The following SETD4 variants were observed in gnomAD, a reference collection of about 807,000 sequenced individuals.
SETD4 encodes SET domain-containing protein 4.
Under a neutral mutation model 58.3 loss-of-function variants are expected in SETD4, and 46 were observed. That is an observed-to-expected ratio of 0.79 (90% CI 0.62 to 1.01). SETD4 has a LOEUF of 1.01. Among genes scored for constraint, SETD4 ranks in the 50% least tolerant of loss-of-function variants. The probability of loss-of-function intolerance (pLI) is 0.00; values close to 1 mark genes in which losing one functional copy is unlikely to be tolerated. For synonymous variants in SETD4, 190 were observed against 202.6 expected, an observed-to-expected ratio of 0.94 and a Z score of 0.53; for missense variants, 490 against 523.3, an observed-to-expected ratio of 0.94 and a Z score of 0.62.
intron 4 of SETD4, 77 bp downstream of exon 4, chr21:36,053,506 A>G (rs535970719): frequency 6.9e-7 from 1 of 1,459,134 alleles, no homozygotes; most frequent in East Asian, 2.3e-5. Context: ...AAATTTTTTT[A>G]ATTCACTTCG....
In SETD4 at chr21:36,041,708, G is replaced by T. The variant is rs1252158572; in HGVS notation, c.983+99C>A. 5.3e-6 allele frequency: 4 copies of T among 748,614 alleles called. No homozygotes were observed. In the Admixed American group the frequency reaches 1.1e-4, roughly 21 times the overall value. The allele number at this position is 748,614 out of a possible 1,614,324, so 46.4% of individuals were successfully genotyped here. A position where few individuals can be genotyped will look rare whatever the true frequency, so the allele number is the denominator to read the frequency against. ...CAATACCTACCCGTCAGCTGATACA[G>T]GGTCAGGAGGGGTCTCACCCCCATG... On this transcript the variant is annotated intron_variant, in intron 8 of 11. Coordinates refer to ENST00000332131, the MANE Select transcript of SETD4 (RefSeq NM_017438.5).
intron 6 of SETD4, 113 bp from the exon 7 acceptor site, chr21:36,044,069 A>G: frequency 3.2e-6 from 4 of 1,256,328 alleles, no homozygotes; most frequent in Non-Finnish European, 4.4e-6. Context: ...AACACCCATC[A>G]ATAAATGTAA....
At chr21:36,051,753 T>C (rs1337817558) in intron 4 of SETD4, among the ~76,000 whole-genome samples, 5 of 152,374 alleles carry the variant, frequency 3.3e-5, no homozygotes, top group Admixed American at 6.5e-5. Context: ...TAGCATAACT[T>C]CACATTGTGT....
intron 9 of SETD4, 79 bp from the exon 10 acceptor site, chr21:36,038,352 A>C (rs1160551340): frequency 1.3e-6 from 2 of 1,500,198 alleles, no homozygotes; most frequent in Middle Eastern, 1.8e-4. Context: ...CAACACATAA[A>C]CTCCTTCTCC....
chr21:36,040,561 C>T lies in SETD4; in HGVS notation c.1064+14G>A. Reference sequence around the variant, plus strand: ...CTGTTGCTACAGCTTAAGACCAACACATGTGAAACTTACAATTTCTCAGCT... The same window carrying T: ...CTGTTGCTACAGCTTAAGACCAACATATGTGAAACTTACAATTTCTCAGCT... On this transcript the variant is annotated intron_variant, in intron 9 of 11. Coordinates refer to ENST00000332131, the MANE Select transcript of SETD4 (RefSeq NM_017438.5). 4 of 1,610,616 alleles carry T rather than the reference C, an allele frequency of 2.5e-6. No homozygotes were observed. The highest frequency in any genetic ancestry group is 3.4e-6 in the Non-Finnish European group (4 of 1,177,036).
intron 3 of SETD4, among the ~76,000 whole-genome samples, chr21:36,055,893 A>C (rs1247019040): frequency 2.6e-5 from 4 of 152,122 alleles, no homozygotes; most frequent in Admixed American, 2.6e-4. Flanking sequence ...GGCAAATGAC[A>C]CCAGAGATGT....
rs1342335805 is a variant in SETD4 at position 36,046,980 on chromosome 21, G to A, written c.297-969C>T. ...ATGGTTAAGAGACAGTATACGCCAG[G>A]CACAGTGGCCGTTTGCCTATATCCC... On this transcript the variant is annotated intron_variant, in intron 5 of 11. Coordinates refer to ENST00000332131, the MANE Select transcript of SETD4 (RefSeq NM_017438.5). Among the ~76,000 whole-genome samples the A allele has an allele frequency of 3.3e-5, 5 of 152,178 alleles. No homozygotes were observed. In the East Asian group the frequency reaches 9.6e-4, roughly 29 times the overall value.
intron 6 of SETD4, among the ~76,000 whole-genome samples, chr21:36,045,166 G>A (rs1434088714): frequency 6.6e-6 from 1 of 152,202 alleles, no homozygotes; most frequent in African/African-American, 2.4e-5. Flanking sequence ...GTGGGAAAAA[G>A]AGCAAGTCAG....
intron 1 of SETD4, 164 bp from the exon 2 acceptor site, chr21:36,059,088 T>C: frequency 8.6e-6 from 7 of 814,588 alleles, no homozygotes; most frequent in South Asian, 5.0e-5. Context: ...CAAGTGCTTT[T>C]GTACATGAAA....
At chr21:36,040,680 C>T in intron 8 of SETD4, 25 bp from the exon 9 acceptor site, 1 of 1,583,676 alleles carries the variant, frequency 6.3e-7, no homozygotes, top group Non-Finnish European at 8.7e-7. Context: ...CAAATAATGA[C>T]AAATCCATCA....
At chr21:36,053,952 C>T (rs1459657205) in intron 3 of SETD4, among the ~76,000 whole-genome samples, 3 of 152,208 alleles carry the variant, frequency 2.0e-5, no homozygotes, top group Non-Finnish European at 2.9e-5. Flanking sequence ...TAACAAGGTG[C>T]TATTCCCAAT....
At chr21:36,047,834 CAA>C (rs34827028) in intron 5 of SETD4, among the ~76,000 whole-genome samples, 5 of 70,922 alleles carry the variant, frequency 7.1e-5, no homozygotes, top group Non-Finnish European at 5.3e-5. Context: ...ACTAAAAATA[CAA>C]AAAAAAAAAA....
At chr21:36,051,037 G>A (rs2064653810) in intron 4 of SETD4, 8 of 1,493,776 alleles carry the variant, frequency 5.4e-6, no homozygotes, top group South Asian at 4.5e-5. Context: ...AGCTCCTTCT[G>A]TGTCTGTGAG....
chr21:36,050,481 A>G (rs940900769), intron 4 of SETD4: 73 of 1,613,978 alleles, frequency 4.5e-5, no homozygotes, highest in Non-Finnish European at 5.9e-5. Flanking sequence ...TGATAGTGAC[A>G]TCACTGTTTT....
intron 6 of SETD4, among the ~76,000 whole-genome samples, 161 bp from the exon 7 acceptor site, chr21:36,044,117 C>T (rs951174392): frequency 6.6e-6 from 1 of 152,264 alleles, no homozygotes; most frequent in African/African-American, 2.4e-5. Flanking sequence ...GTTTCATCCA[C>T]CTCGACTTCA....
At chr21:36,043,418 T>A (rs2064159282) in intron 7 of SETD4, 4 of 1,008,762 alleles carry the variant, frequency 4.0e-6, no homozygotes, top group Non-Finnish European at 3.6e-6. Flanking sequence ...AGGTGCTTAA[T>A]AAATATTTTT....
At position 36,057,119 on chromosome 21, in the gene SETD4, A is replaced by C; in HGVS notation, c.159T>G (p.Ala53=). The C allele has an allele frequency of 6.2e-7, 1 of 1,613,986 alleles. No individual in the cohort carries two copies. The highest frequency in any genetic ancestry group is 8.5e-7 in the Non-Finnish European group (1 of 1,179,828). ...AAGGCTAGATCTTACCTGGAAAACA[A>C]GCAGGCGCTAAGTTTGAATCTTGAA... The part of the protein sequence containing the change: ...RKFQDSNLAP[A]CFPGTGRGLM... The change falls in exon 3 of 12, where the codon GCT becomes GCG. Residue 53 remains alanine (A), a synonymous_variant. Coordinates refer to ENST00000332131, the MANE Select transcript of SETD4 (RefSeq NM_017438.5).
chr21:36,056,686 G>A (rs1223856905), intron 3 of SETD4, among the ~76,000 whole-genome samples: 2 of 152,108 alleles, frequency 1.3e-5, no homozygotes, highest in African/African-American at 4.8e-5. Context: ...AGCCTCTAGA[G>A]TAGCTGGGAC....
intron 9 of SETD4, among the ~76,000 whole-genome samples, chr21:36,039,864 A>C (rs568160247): frequency 8.5e-5 from 13 of 152,386 alleles, no homozygotes; most frequent in African/African-American, 2.9e-4. Context: ...CTGAAGGGGC[A>C]CCGACTGCTC....
Sources: gnomAD v4.1 joint callset for allele counts (sites outside exome capture counted in the v4.1 genomes callset) on GRCh38, gnomAD v4.1.1 for gene constraint, MANE v1.5 for transcripts, NCBI Gene and HGNC (gene_info 2026-07-23, HGNC 2026-07-21) for gene names.